Variants in SLC39A11 observed in about 807,000 individuals in gnomAD.
The protein encoded by SLC39A11 is zinc transporter ZIP11.
Under a neutral mutation model 36.1 loss-of-function variants are expected in SLC39A11, and 33 were observed. The observed-to-expected ratio is 0.91, with a 90% CI of 0.69 to 1.22. SLC39A11 has a LOEUF of 1.22. Ranked by LOEUF, SLC39A11 falls within the 50% of genes most tolerant of loss-of-function variation. The probability of loss-of-function intolerance (pLI) is 0.00; values close to 1 mark genes in which losing one functional copy is unlikely to be tolerated. For synonymous variants in SLC39A11, 166 were observed against 170.3 expected, an observed-to-expected ratio of 0.97 and a Z score of 0.20; for missense variants, 432 against 430.3, an observed-to-expected ratio of 1.00 and a Z score of -0.03.
rs144765150 is a variant in SLC39A11 at position 73,067,749 on chromosome 17, T to A, written c.147+17059A>T. On this transcript the variant is annotated intron_variant, in intron 3 of 9. Transcript: ENST00000255559. ...TGTTTTCTTATGCATAAACATAGAG[T>A]AGACACGTACTGAATAGATCACATC... The A allele has an allele frequency of 4.2e-4, 345 of 829,414 alleles. No individual in the cohort carries two copies. In the African/African-American group the frequency reaches 5.6e-3, roughly 14 times the overall value. The allele number at this position is 829,414 out of a possible 1,614,324, so 51.4% of individuals were successfully genotyped here. A position where few individuals can be genotyped will look rare whatever the true frequency, so the allele number is the denominator to read the frequency against.
At chr17:72,913,066 C>G (rs2083115431) in intron 5 of SLC39A11, among the ~76,000 whole-genome samples, 1 of 151,928 alleles carries the variant, frequency 6.6e-6, no homozygotes, top group Non-Finnish European at 1.5e-5. Context: ...CTAAAAAGTC[C>G]TGATTTATAC....
At chr17:73,000,823 T>G (rs913592814) in intron 4 of SLC39A11, among the ~76,000 whole-genome samples, 1 of 152,200 alleles carries the variant, frequency 6.6e-6, no homozygotes, top group African/African-American at 2.4e-5. Flanking sequence ...AAACTACATT[T>G]TTGCTTTGCT....
At chr17:72,648,521 G>A (rs1252698599) in intron 9 of SLC39A11, among the ~76,000 whole-genome samples, 1 of 152,042 alleles carries the variant, frequency 6.6e-6, no homozygotes, top group African/African-American at 2.4e-5. Context: ...GACAGGATGA[G>A]AGAGAATATA....
chr17:73,062,754 G>T (rs572217715), intron 3 of SLC39A11, among the ~76,000 whole-genome samples: 49 of 152,252 alleles, frequency 3.2e-4, no homozygotes, highest in Middle Eastern at 3.4e-3. Context: ...GGGGGTGGGG[G>T]ATGGTTTTGG....
chr17:72,825,308 C>T (rs1345670974), intron 6 of SLC39A11, among the ~76,000 whole-genome samples: 1 of 152,206 alleles, frequency 6.6e-6, no homozygotes, highest in African/African-American at 2.4e-5. Context: ...TGGTGGCTTC[C>T]ACGTGGTGGT....
At chr17:73,067,608 A>T (rs2060034067) in intron 3 of SLC39A11, among the ~76,000 whole-genome samples, 1 of 152,122 alleles carries the variant, frequency 6.6e-6, no homozygotes, top group African/African-American at 2.4e-5. Flanking sequence ...TTGGAAGCAG[A>T]TCTGCAGCAA....
At chr17:72,919,753 G>T (rs2083547309) in intron 5 of SLC39A11, among the ~76,000 whole-genome samples, 1 of 152,012 alleles carries the variant, frequency 6.6e-6, no homozygotes, top group Non-Finnish European at 1.5e-5. Context: ...ACCCCGCGTG[G>T]GGTGGAGACA....
chr17:72,802,332 G>A (rs989482985), intron 6 of SLC39A11, among the ~76,000 whole-genome samples: 18 of 152,146 alleles, frequency 1.2e-4, no homozygotes, highest in African/African-American at 3.9e-4. Flanking sequence ...GTACATGCCT[G>A]TAATCCTAAC....
At chr17:72,669,910 G>A (rs966540940) in intron 7 of SLC39A11, among the ~76,000 whole-genome samples, 10 of 144,924 alleles carry the variant, frequency 6.9e-5, no homozygotes, top group Admixed American at 1.4e-4. Context: ...ATATATATAC[G>A]TATAGATGTA....
Position 73,015,509 on chromosome 17 carries a change from G to A in SLC39A11, c.306+16047C>T, listed in dbSNP as rs79596041. Among the ~76,000 whole-genome samples the A allele has an allele frequency of 4.6e-3, 704 of 152,254 alleles. 9 individuals carry two copies. The highest frequency in any genetic ancestry group is 0.041 in the South Asian group (199 of 4,822). ...TTTCAATGTACCCTGTATGCCATCC[G>A]ATTCTCCCCAATAACTCGTCCTTAA... On this transcript the variant is annotated intron_variant, in intron 4 of 9. Transcript: ENST00000255559.
intron 5 of SLC39A11, among the ~76,000 whole-genome samples, chr17:72,851,984 T>C (rs11077639): frequency 0.45 from 67,463 of 151,370 alleles, 16,115 homozygotes; most frequent in Non-Finnish European, 0.53. Context: ...AGGCGGATCA[T>C]GAGGTCAGGA....
Position 72,874,473 on chromosome 17 carries a change from C to T in SLC39A11, c.431-24669G>A, listed in dbSNP as rs577544346. Among the ~76,000 whole-genome samples, 190 of 152,274 alleles carry T rather than the reference C, an allele frequency of 1.2e-3. 1 individual carries two copies. The highest frequency in any genetic ancestry group is 0.01 in the Middle Eastern group (3 of 294). On this transcript the variant is annotated intron_variant, in intron 5 of 9. Coordinates refer to ENST00000255559, the MANE Select transcript of SLC39A11 (RefSeq NM_139177.4). ...CTGAGGCGTCCATCTGCAAGGCTGT[C>T]GCAGGGATGCTGAGCAAAGCTGACA...
chr17:72,852,992 C>G (rs2079438310), intron 5 of SLC39A11, among the ~76,000 whole-genome samples: 1 of 148,136 alleles, frequency 6.8e-6, no homozygotes, highest in East Asian at 2.0e-4. Context: ...AGAAAAATCT[C>G]TTCTCTTGCA....
chr17:73,024,989 T>G (rs2058484759), intron 4 of SLC39A11, among the ~76,000 whole-genome samples: 1 of 151,208 alleles, frequency 6.6e-6, no homozygotes, highest in Non-Finnish European at 1.5e-5. Context: ...ATGCTGAGAT[T>G]ATAGGCATGA....
At chr17:72,957,877 C>T (rs1379403918) in intron 4 of SLC39A11, among the ~76,000 whole-genome samples, 1 of 151,836 alleles carries the variant, frequency 6.6e-6, no homozygotes, top group East Asian at 1.9e-4. Context: ...ATAATCCCAG[C>T]TATTCAGGAG....
chr17:72,765,904 C>T (rs2075743039), intron 6 of SLC39A11, among the ~76,000 whole-genome samples: 1 of 152,218 alleles, frequency 6.6e-6, no homozygotes, highest in African/African-American at 2.4e-5. Flanking sequence ...GCCCAGACAG[C>T]TCTCAGCATG....
intron 5 of SLC39A11, among the ~76,000 whole-genome samples, chr17:72,879,758 A>G (rs187971399): frequency 1.5e-3 from 224 of 152,312 alleles, no homozygotes; most frequent in Non-Finnish European, 2.1e-3. Flanking sequence ...CATTGTTTCT[A>G]TAGATAAATC....
chr17:72,998,015 C>T lies in SLC39A11; in HGVS notation c.306+33541G>A, dbSNP rs965580000. Among the ~76,000 whole-genome samples the T allele has an allele frequency of 3.3e-4, 50 of 152,154 alleles. 1 individual carries two copies. Among genetic ancestry groups the T allele is most frequent in the Admixed American group, 3.3e-3 (50 of 15,272 alleles). On this transcript the variant is annotated intron_variant, in intron 4 of 9. Coordinates refer to ENST00000255559, the MANE Select transcript of SLC39A11 (RefSeq NM_139177.4). ...GCAAAGATCTAAACAAATCTGTTAT[C>T]CATGAAATTGTGAAGAAGGAAAATA...
At chr17:72,736,583 T>C in intron 7 of SLC39A11, 67 bp downstream of exon 7, 1 of 1,358,298 alleles carries the variant, frequency 7.4e-7, no homozygotes, top group South Asian at 1.2e-5. Flanking sequence ...CCCACCCAGG[T>C]GACACGCACA....
Sources: allele counts gnomAD v4.1 joint callset (sites outside exome capture counted in the v4.1 genomes callset), GRCh38; gene constraint gnomAD v4.1.1; transcripts MANE v1.5; gene names NCBI Gene and HGNC (gene_info 2026-07-23, HGNC 2026-07-21).